Variants in SLC12A9 observed in about 807,000 individuals in gnomAD.
The protein encoded by SLC12A9 is CCC-interacting protein 1.
In SLC12A9, 55 loss-of-function variants were observed where a neutral mutation model predicts 66.0. The ratio of observed to expected loss-of-function variants is 0.83; its 90% CI spans 0.67 to 1.04. The LOEUF (loss-of-function observed/expected upper bound fraction) is 1.04, where lower values mean the gene tolerates loss of function less well. Ranked by LOEUF, SLC12A9 falls within the 50% of genes least tolerant of loss-of-function variation. SLC12A9 has a pLI of 0.00. For missense variants in SLC12A9, 1,061 were observed against 1,241.9 expected, an observed-to-expected ratio of 0.85 and a Z score of 2.19; for synonymous variants, 577 against 569.0, an observed-to-expected ratio of 1.01 and a Z score of -0.20.
chr7:100,840,415 C>G (rs542731464), intron 1 of SLC12A9, among the ~76,000 whole-genome samples: 2 of 152,288 alleles, frequency 1.3e-5, no homozygotes, highest in Non-Finnish European at 2.9e-5. Context: ...TCCCTTGTTT[C>G]AAAGGTATGG....
rs2116582161 is a variant in SLC12A9, at chr7:100,854,196, C to T, written c.-2C>T. The T allele has an allele frequency of 6.4e-7, 1 of 1,561,942 alleles. No homozygotes were observed. The highest frequency in any genetic ancestry group is 1.3e-5 in the South Asian group (1 of 79,734). On this transcript the variant is annotated 5_prime_UTR_variant, in exon 2 of 14. Transcript: ENST00000354161. The stretch of plus-strand genomic sequence containing the variant: ...TGTGGCTTCCTCTACCTGTGCTCAG[C>T]CATGGCCAGCGAGAGCTCACCTCTG...
intron 1 of SLC12A9, among the ~76,000 whole-genome samples, chr7:100,842,111 G>C (rs1004097307): frequency 9.5e-5 from 14 of 147,080 alleles, no homozygotes; most frequent in African/African-American, 2.0e-4. Flanking sequence ...ACTGCTGTTC[G>C]TACAGAAAAA....
chr7:100,844,374 G>C (rs1334686706), intron 1 of SLC12A9, among the ~76,000 whole-genome samples: 1 of 152,088 alleles, frequency 6.6e-6, no homozygotes, highest in Non-Finnish European at 1.5e-5. Flanking sequence ...AAGACTGGTG[G>C]GGGCTCACAA....
At chr7:100,850,259 CT>C (rs3048154), upstream of SLC12A9, among the ~76,000 whole-genome samples, 24,389 of 80,482 alleles carry the variant, frequency 0.3, 2,144 homozygotes, top group Middle Eastern at 0.39. Context: ...TTCTTTCTTT[CT>C]TTTTTTTTTT....
intron 3 of SLC12A9, 59 bp downstream of exon 3, chr7:100,854,813 G>A: frequency 6.3e-7 from 1 of 1,597,040 alleles, no homozygotes; most frequent in Non-Finnish European, 8.5e-7. Flanking sequence ...GGGAGGGTGT[G>A]GAAGGGGCCA....
chr7:100,854,427 A>C, intron 2 of SLC12A9, 49 bp downstream of exon 2: 1 of 1,598,250 alleles, frequency 6.3e-7, no homozygotes, highest in East Asian at 2.2e-5. Context: ...ATGGGAGGAC[A>C]TGATGGGGAG....
chr7:100,839,883 A>T (rs1813747298), intron 1 of SLC12A9, among the ~76,000 whole-genome samples: 1 of 152,038 alleles, frequency 6.6e-6, no homozygotes, highest in Non-Finnish European at 1.5e-5. Flanking sequence ...TCTACTAAAA[A>T]TACAAAAAAA....
intron 13 of SLC12A9, among the ~76,000 whole-genome samples, chr7:100,864,125 C>G (rs924851574): frequency 1.0e-4 from 14 of 137,736 alleles, no homozygotes; most frequent in Non-Finnish European, 1.8e-4. Context: ...GTTGCCCAGG[C>G]TGGAGTGCAG....
In SLC12A9 at chr7:100,862,721, A is replaced by C; in HGVS notation, c.1752A>C (p.Ala584=). 1 of 1,614,186 alleles carries C rather than the reference A, an allele frequency of 6.2e-7. No individual in the cohort carries two copies. The highest frequency in any genetic ancestry group is 8.5e-7 in the Non-Finnish European group (1 of 1,180,034). ...ACCCTGTACAGCCGCAGTATGGGGC[A>C]TGGCTCAGCCTGGTGGACCGTGCCC... ...PSDPVQPQYG[A]WLSLVDRAQV... is the part of the protein sequence containing the mutation. Residue 584 remains alanine (A), a synonymous_variant, in exon 13 of 14, where the codon GCA becomes GCC. Transcript: ENST00000354161.
Position 100,861,472 on chromosome 7 carries a change from C to T in SLC12A9, c.1424C>T (p.Pro475Leu). 1 of 1,613,800 alleles carries T rather than the reference C, an allele frequency of 6.2e-7. No homozygotes were observed. Among genetic ancestry groups the T allele is most frequent in the Non-Finnish European group, 8.5e-7 (1 of 1,180,024 alleles). ...SCLLMMFLIS[P>L]GAAGGSLLLM... ...CTGCTCATGATGTTCCTCATCAGTC[C>T]TGGCGCGGCTGGTGGCTCCCTGCTC... The change falls in exon 11 of 14, where the codon CCT becomes CTT. Residue 475 changes from proline (P) to leucine (L), a missense_variant. Coordinates refer to ENST00000354161, the MANE Select transcript of SLC12A9 (RefSeq NM_020246.4). This position sits in a 1 kb window ranked among gnomAD's most constrained non-coding sequence, Gnocchi z 5.3.
intron 5 of SLC12A9, 43 bp downstream of exon 5, chr7:100,857,219 T>C (rs776287852): frequency 6.3e-7 from 1 of 1,576,716 alleles, no homozygotes; most frequent in Admixed American, 1.7e-5. Flanking sequence ...GGGTGAGGGG[T>C]GGGCAGACGT....
chr7:100,866,741 G>A lies in SLC12A9; in HGVS notation c.*136G>A. 1.0e-6 allele frequency: 1 copy of A among 960,200 alleles called. No individual in the cohort carries two copies. 59.5% of individuals were successfully genotyped at this position (960,200 alleles called of 1,614,324 possible). ...GTGGAGCCCAGGGGAGGTTTGAAGG[G>A]GATCCTGGGCTTGGGCATCACGCCC... On this transcript the variant is annotated 3_prime_UTR_variant, in exon 14 of 14. Coordinates refer to ENST00000354161, the MANE Select transcript of SLC12A9 (RefSeq NM_020246.4). This position sits in a 1 kb window ranked among gnomAD's most constrained non-coding sequence, Gnocchi z 7.3.
chr7:100,835,138 C>T (rs1562980156), intron 1 of SLC12A9, among the ~76,000 whole-genome samples: 2 of 151,360 alleles, frequency 1.3e-5, no homozygotes, highest in Non-Finnish European at 2.9e-5. Flanking sequence ...AGTGGATCAC[C>T]TGAGGTCAGG....
At chr7:100,827,867 C>T (rs536272134) in intron 1 of SLC12A9, among the ~76,000 whole-genome samples, 1 of 152,332 alleles carries the variant, frequency 6.6e-6, no homozygotes, top group East Asian at 1.9e-4. Context: ...AAACACACAC[C>T]CAGCAGCAAC....
chr7:100,845,068 C>A (rs1430666002), intron 1 of SLC12A9, among the ~76,000 whole-genome samples: 1 of 151,952 alleles, frequency 6.6e-6, no homozygotes, highest in Non-Finnish European at 1.5e-5. Context: ...ACCCTGATCA[C>A]TTCTAGGTCC....
chr7:100,861,928 C>G lies in SLC12A9; in HGVS notation c.1711+17C>G. ...GAGACCTCGGTGAGCTGCCCTCCCACTCACTCACTCACTCCCATCCTTCTC... is the reference window on the plus strand; with the variant it reads ...GAGACCTCGGTGAGCTGCCCTCCCAGTCACTCACTCACTCCCATCCTTCTC... On this transcript the variant is annotated intron_variant, in intron 12 of 13. Coordinates refer to ENST00000354161, the MANE Select transcript of SLC12A9 (RefSeq NM_020246.4). This position sits in a 1 kb window ranked among gnomAD's most constrained non-coding sequence, Gnocchi z 5.3. 6.5e-7 allele frequency: 1 copy of G among 1,550,240 alleles called. No individual in the cohort carries two copies. Among genetic ancestry groups the G allele is most frequent in the Non-Finnish European group, 8.7e-7 (1 of 1,144,020 alleles).
intron 13 of SLC12A9, chr7:100,865,225 T>G: frequency 6.5e-7 from 1 of 1,532,636 alleles, no homozygotes; most frequent in Admixed American, 2.0e-5. Context: ...CCCAAGATGC[T>G]GCGATTACAG....
chr7:100,862,938 T>TCTCCTCTCG, intron 13 of SLC12A9, 111 bp downstream of exon 13: 1 of 1,327,042 alleles, frequency 7.5e-7, no homozygotes, highest in Non-Finnish European at 1.1e-6. Context: ...AAGGACCTTA[T>TCTCCTCTCG]AGTCGAGAGG....
In SLC12A9 at chr7:100,866,487, C is replaced by T. The variant is rs578048987; in HGVS notation, c.2627C>T (p.Pro876Leu). ...CTCACCTTCCTGTACTTGCCTCGGC[C>T]GCCAGCCGATCCCGCCCGATACCCC... ...TALTFLYLPR[P>L]PADPARYPRY... Residue 876 changes from proline to leucine, a missense_variant, in exon 14 of 14, where the codon CCG (proline) becomes CTG (leucine). Coordinates refer to ENST00000354161, the MANE Select transcript of SLC12A9 (RefSeq NM_020246.4). The surrounding 1 kb of genome is among the most constrained non-coding windows in gnomAD (Gnocchi z 7.3). 45 of 1,554,792 alleles carry T rather than the reference C, an allele frequency of 2.9e-5. No homozygotes were observed. Among genetic ancestry groups the T allele is most frequent in the Admixed American group, 3.9e-5 (2 of 51,280 alleles).
Sources: gnomAD v4.1 joint callset for allele counts (sites outside exome capture counted in the v4.1 genomes callset) on GRCh38, gnomAD v4.1.1 for gene constraint, Gnocchi (gnomAD v3.1) non-coding constraint, MANE v1.5 for transcripts, NCBI Gene and HGNC (gene_info 2026-07-23, HGNC 2026-07-21) for gene names.